TTLL9: variants seen among roughly 807,000 people sequenced by gnomAD.
TTLL9 encodes tubulin tyrosine ligase like 9.
In TTLL9, 47 loss-of-function variants were observed where a neutral mutation model predicts 65.6. That is an observed-to-expected ratio of 0.72 (90% confidence interval 0.57 to 0.91). The LOEUF (loss-of-function observed/expected upper bound fraction) is 0.91, where lower values mean the gene tolerates loss of function less well. TTLL9 is among the 40% of genes least tolerant of loss of function. The pLI is 0.00. For synonymous variants in TTLL9, 179 were observed against 204.8 expected (o/e 0.87, Z 1.07); for missense variants, 537 against 568.8 (o/e 0.94, Z 0.57).
intron 2 of TTLL9, among the ~76,000 whole-genome samples, chr20:31,880,738 C>CG (rs1191209694): frequency 1.3e-5 from 2 of 152,048 alleles, no homozygotes. Flanking sequence ...CTGCCCGCCT[C>CG]GGCCTCCCAA....
chr20:31,936,501 T>C (rs534335861), intron 12 of TTLL9, among the ~76,000 whole-genome samples: 2 of 152,214 alleles, frequency 1.3e-5, no homozygotes, highest in African/African-American at 4.8e-5. Flanking sequence ...TTTTTGGCTT[T>C]TCTGGAAAAA....
chr20:31,871,201 T>C lies in TTLL9; in HGVS notation c.69+6T>C, dbSNP rs2062925198. The stretch of plus-strand genomic sequence containing the variant: ...GGTGCCCCAAGAAATTACAGGTGAA[T>C]GTTGGGAGAGGGGTTTGAGGGAGGG... On this transcript the variant is annotated splice_donor_region_variant and intron_variant, in intron 2 of 14. Coordinates refer to ENST00000535842, the MANE Select transcript of TTLL9 (RefSeq NM_001008409.5). 6.2e-7 allele frequency: 1 copy of C among 1,613,682 alleles called. No homozygotes were observed. Among genetic ancestry groups the C allele is most frequent in the Non-Finnish European group, 8.5e-7 (1 of 1,179,830 alleles).
At chr20:31,887,411 G>C (rs1009661507) in intron 3 of TTLL9, among the ~76,000 whole-genome samples, 172 bp downstream of exon 3, 5 of 152,196 alleles carry the variant, frequency 3.3e-5, no homozygotes, top group Admixed American at 1.3e-4. Context: ...CTCTGGGCCT[G>C]TCACTTTACC....
At chr20:31,936,095 C>T (rs2064104979) in intron 12 of TTLL9, among the ~76,000 whole-genome samples, 1 of 152,300 alleles carries the variant, frequency 6.6e-6, no homozygotes, top group Non-Finnish European at 1.5e-5. Context: ...GGGGCTTGGT[C>T]TCCCACAGAC....
chr20:31,893,575 G>A (rs1254055148), intron 3 of TTLL9, among the ~76,000 whole-genome samples: 1 of 151,888 alleles, frequency 6.6e-6, no homozygotes, highest in Non-Finnish European at 1.5e-5. Context: ...ACAGGCGTAA[G>A]CCACTGCGCC....
At chr20:31,915,664 G>A (rs1249287301) in intron 6 of TTLL9, among the ~76,000 whole-genome samples, 1 of 152,094 alleles carries the variant, frequency 6.6e-6, no homozygotes, top group Non-Finnish European at 1.5e-5. Context: ...TGTTGGCTGG[G>A]TGACCTTGGG....
chr20:31,905,032 T>C (rs566895141), intron 4 of TTLL9, among the ~76,000 whole-genome samples: 1 of 152,230 alleles, frequency 6.6e-6, no homozygotes, highest in South Asian at 2.1e-4. Context: ...CAGCCGGGAA[T>C]CTGTGGCACT....
chr20:31,914,817 T>C (rs973425044), intron 6 of TTLL9, among the ~76,000 whole-genome samples: 1 of 152,204 alleles, frequency 6.6e-6, no homozygotes. Context: ...CCCTGGGGCT[T>C]AGTCACTGAC....
At chr20:31,941,722 G>A (rs923729305) in intron 14 of TTLL9, among the ~76,000 whole-genome samples, 3 of 152,066 alleles carry the variant, frequency 2.0e-5, no homozygotes, top group Admixed American at 6.5e-5. Flanking sequence ...ACCACACCTG[G>A]CTAATTTTAT....
intron 10 of TTLL9, among the ~76,000 whole-genome samples, chr20:31,927,480 C>CAAAA (rs777895091): frequency 3.5e-4 from 19 of 54,122 alleles, no homozygotes; most frequent in East Asian, 5.8e-4. Context: ...GACTCTGTCT[C>CAAAA]AAAAAAAAAA....
chr20:31,902,925 A>G (rs546583682), intron 4 of TTLL9, among the ~76,000 whole-genome samples: 1 of 152,200 alleles, frequency 6.6e-6, no homozygotes, highest in East Asian at 1.9e-4. Context: ...GTGCAGTGGT[A>G]CAATCACAGC....
intron 6 of TTLL9, among the ~76,000 whole-genome samples, chr20:31,910,426 T>G (rs1357159839): frequency 6.6e-6 from 1 of 152,200 alleles, no homozygotes; most frequent in Admixed American, 6.5e-5. Flanking sequence ...AGGAGACCTA[T>G]GCAGTTGCAG....
intron 2 of TTLL9, among the ~76,000 whole-genome samples, chr20:31,876,312 G>C (rs1289088134): frequency 6.6e-6 from 1 of 152,190 alleles, no homozygotes; most frequent in South Asian, 2.1e-4. Context: ...GGGCATGGTG[G>C]TGGGTCCCTG....
intron 14 of TTLL9, among the ~76,000 whole-genome samples, chr20:31,942,263 CTCAAGGA>C (rs1458209447): frequency 2.0e-5 from 3 of 152,188 alleles, no homozygotes; most frequent in Non-Finnish European, 4.4e-5. Flanking sequence ...CCATAGTTAC[CTCAAGGA>C]TCAGCTCTGA....
intron 3 of TTLL9, among the ~76,000 whole-genome samples, chr20:31,890,154 C>CTTCCCTCCTTCTTTCT (rs2063281386): frequency 7.4e-5 from 1 of 13,576 alleles, no homozygotes; most frequent in African/African-American, 6.9e-4. Context: ...TCCTTCCTTC[C>CTTCCCTCCTTCTTTCT]TTCTTTCTTT....
chr20:31,935,007 T>TG, intron 12 of TTLL9, 119 bp downstream of exon 12: 1 of 978,374 alleles, frequency 1.0e-6, no homozygotes, highest in Non-Finnish European at 1.5e-6. Context: ...CACACTTACA[T>TG]TTACTGTGCC....
chr20:31,927,831 T>A (rs942320887), intron 10 of TTLL9, among the ~76,000 whole-genome samples: 2 of 152,230 alleles, frequency 1.3e-5, no homozygotes, highest in Admixed American at 1.3e-4. Flanking sequence ...TTTGCATCTC[T>A]CTGCATTAAT....
intron 10 of TTLL9, among the ~76,000 whole-genome samples, chr20:31,932,471 CAA>C (rs58783829): frequency 1.6e-4 from 14 of 86,342 alleles, no homozygotes; most frequent in Non-Finnish European, 1.6e-4. Context: ...GACCCTGTCT[CAA>C]AAAAAAAAAA....
At chr20:31,883,734 A>G (rs1429615377) in intron 2 of TTLL9, among the ~76,000 whole-genome samples, 1 of 152,124 alleles carries the variant, frequency 6.6e-6, no homozygotes, top group Non-Finnish European at 1.5e-5. Context: ...TAAGTTAAAA[A>G]AAAAAGCCTG....
Sources: allele counts gnomAD v4.1 joint callset (sites outside exome capture counted in the v4.1 genomes callset), GRCh38; gene constraint gnomAD v4.1.1; transcripts MANE v1.5; gene names NCBI Gene and HGNC (gene_info 2026-07-23, HGNC 2026-07-21).